The following RIC3 variants were observed in gnomAD, a reference collection of about 807,000 sequenced individuals.
RIC3 encodes protein RIC-3.
Under a neutral mutation model 27.3 loss-of-function variants are expected in RIC3, and 28 were observed. That is an observed-to-expected ratio of 1.02 (90% confidence interval 0.76 to 1.41). The LOEUF (loss-of-function observed/expected upper bound fraction) is 1.41, where lower values mean the gene tolerates loss of function less well. Ranked by LOEUF, RIC3 falls within the 40% of genes most tolerant of loss-of-function variation. The pLI is 0.00. For missense variants in RIC3, 501 were observed against 444.7 expected (o/e 1.13, Z -1.14); for synonymous variants, 184 against 160.4 (o/e 1.15, Z -1.11).
At chr11:8,099,698 A>G in the RIC3 span, among the ~76,000 whole-genome samples, 1 of 152,236 alleles carries the variant, frequency 6.6e-6, no homozygotes, top group Non-Finnish European at 1.5e-5. Flanking sequence ...CACTAAGAAG[A>G]AAAAGTAGGG....
intron 4 of RIC3, among the ~76,000 whole-genome samples, chr11:8,128,722 T>C (rs535867309): frequency 6.6e-6 from 1 of 151,838 alleles, no homozygotes; most frequent in Non-Finnish European, 1.5e-5. Flanking sequence ...TGGATTCCGT[T>C]CTATCATTTT....
At position 8,118,527 on chromosome 11, in the gene RIC3, TAAAAAAAAAAA is replaced by T. The variant is rs11378233; in HGVS notation, c.671-7401_671-7391del. 6.0e-5 allele frequency among the ~76,000 whole-genome samples: 4 copies of T among 66,688 alleles called. No individual in the cohort carries two copies. In the East Asian group the frequency reaches 1.5e-3, roughly 25 times the overall value. 43.7% of individuals were successfully genotyped at this position (66,688 alleles called of 152,430 possible). Reference sequence around the variant, plus strand: ...GCTATTGAATAGAAAGCCATAATTGTAAAAAAAAAAAAAAAAAAAAAAAAAAAATTAATGCT... The same window carrying T: ...GCTATTGAATAGAAAGCCATAATTGTAAAAAAAAAAAAAAAAATTAATGCT... On this transcript the variant is annotated intron_variant, in intron 5 of 5. Transcript: ENST00000309737.
At chr11:8,157,292 T>C (rs1051809939) in intron 1 of RIC3, among the ~76,000 whole-genome samples, 6 of 152,236 alleles carry the variant, frequency 3.9e-5, no homozygotes, top group African/African-American at 1.4e-4. Flanking sequence ...CTTTCTCTAG[T>C]TGGCCCTCCC....
At chr11:8,093,567 C>T in the RIC3 span, among the ~76,000 whole-genome samples, 1 of 152,138 alleles carries the variant, frequency 6.6e-6, no homozygotes, top group Non-Finnish European at 1.5e-5. Flanking sequence ...TTGTTCTGAG[C>T]ACTCCTACAC....
At position 8,110,592 on chromosome 11, in the gene RIC3, A is replaced by G; in HGVS notation, c.*106T>C. The G allele has an allele frequency of 1.0e-6, 1 of 985,216 alleles. No homozygotes were observed. The highest frequency in any genetic ancestry group is 2.2e-4 in the Middle Eastern group (1 of 4,564). 61.0% of individuals were successfully genotyped at this position (985,216 alleles called of 1,614,324 possible). ...ATGATAGTGGCCTGATAGCTATGAC[A>G]CTTGAACACAGTGAAGAAAGTGCAG... On this transcript the variant is annotated 3_prime_UTR_variant, in exon 6 of 6. Transcript: ENST00000309737.
intron 1 of RIC3, among the ~76,000 whole-genome samples, chr11:8,143,883 C>T (rs1284200541): frequency 6.6e-6 from 1 of 152,100 alleles, no homozygotes; most frequent in East Asian, 1.9e-4. Context: ...CGCATATCTA[C>T]AACGATCAGA....
chr11:8,138,072 G>A (rs1007935781), intron 3 of RIC3, among the ~76,000 whole-genome samples, 200 bp downstream of exon 3: 3 of 152,196 alleles, frequency 2.0e-5, no homozygotes, highest in Non-Finnish European at 2.9e-5. Flanking sequence ...ATTAAAAAGT[G>A]AACTGGTGGT....
At chr11:8,168,567 C>A (rs1255375117) in intron 1 of RIC3, among the ~76,000 whole-genome samples, 1 of 152,122 alleles carries the variant, frequency 6.6e-6, no homozygotes, top group Non-Finnish European at 1.5e-5. Context: ...GTTAAGCCAG[C>A]GGGGTAAGAG....
chr11:8,153,272 C>T (rs983050652), intron 1 of RIC3: 13 of 343,826 alleles, frequency 3.8e-5, no homozygotes, highest in Middle Eastern at 4.2e-4. Flanking sequence ...GTGACAGACA[C>T]TATGTCAGGC....
In RIC3 at chr11:8,106,886, T is replaced by G. The variant is rs1201256304; in HGVS notation, c.*3812A>C. On this transcript the variant is annotated 3_prime_UTR_variant, in exon 6 of 6. Transcript: ENST00000309737. Reference sequence around the variant, plus strand: ...CTTAGAGGGTGTCAGGTGTGACATCTCAGCAACACTGGACTTGACAGAGTG... The same window carrying G: ...CTTAGAGGGTGTCAGGTGTGACATCGCAGCAACACTGGACTTGACAGAGTG... 2 of 152,210 alleles carry G rather than the reference T, an allele frequency of 1.3e-5. No individual in the cohort carries two copies. The highest frequency in any genetic ancestry group is 2.9e-5 in the Non-Finnish European group (2 of 68,044). The allele number at this position is 152,210 out of a possible 1,614,324, so 9.4% of individuals were successfully genotyped here. A position where few individuals can be genotyped will look rare whatever the true frequency, so the allele number is the denominator to read the frequency against.
chr11:8,160,173 T>C (rs1014168466), intron 1 of RIC3, among the ~76,000 whole-genome samples: 13 of 152,186 alleles, frequency 8.5e-5, no homozygotes, highest in Admixed American at 3.9e-4. Context: ...TTTTTAGAGA[T>C]GCATACTGAA....
In RIC3 at chr11:8,109,058, CAG is replaced by C. The variant is rs914299570; in HGVS notation, c.*1638_*1639del. The C allele has an allele frequency of 3.3e-5, 5 of 152,236 alleles. No individual in the cohort carries two copies. The highest frequency in any genetic ancestry group is 7.3e-5 in the Non-Finnish European group (5 of 68,046). 9.4% of individuals were successfully genotyped at this position (152,236 alleles called of 1,614,324 possible). A position where few individuals can be genotyped will look rare whatever the true frequency, so the allele number is the denominator to read the frequency against. On this transcript the variant is annotated 3_prime_UTR_variant, in exon 6 of 6. Transcript: ENST00000309737. ...CACAATGTGAATCAAATGTTCTACACAGAGATAGATGCAATATGCTTTCTATA... is the reference window on the plus strand; with the variant it reads ...CACAATGTGAATCAAATGTTCTACACAGATAGATGCAATATGCTTTCTATA...
At chr11:8,140,655 T>G (rs1199479727) in intron 1 of RIC3, among the ~76,000 whole-genome samples, 1 of 152,210 alleles carries the variant, frequency 6.6e-6, no homozygotes, top group African/African-American at 2.4e-5. Flanking sequence ...AATTATGTAG[T>G]GCAGAGCCCT....
chr11:8,141,326 T>C (rs1490728340), intron 1 of RIC3, among the ~76,000 whole-genome samples: 1 of 151,740 alleles, frequency 6.6e-6, no homozygotes, highest in Non-Finnish European at 1.5e-5. Context: ...AATAAAAGGA[T>C]GGAGGAAGAT....
intron 5 of RIC3, among the ~76,000 whole-genome samples, chr11:8,118,870 C>A (rs1166003791): frequency 6.6e-4 from 91 of 136,996 alleles, no homozygotes; most frequent in Admixed American, 6.5e-4. Flanking sequence ...GACTCCATCT[C>A]AAAAAAAAAA....
chr11:8,132,509 T>G (rs1947860421), intron 4 of RIC3, among the ~76,000 whole-genome samples: 3 of 152,206 alleles, frequency 2.0e-5, no homozygotes, highest in African/African-American at 7.2e-5. Flanking sequence ...AGTTAAACAC[T>G]GTGCTTAATA....
chr11:8,100,463 T>A, the RIC3 span: 1 of 1,537,548 alleles, frequency 6.5e-7, no homozygotes, highest in Admixed American at 1.7e-5. Flanking sequence ...AGTAGGTAAA[T>A]AGACGCCTCA....
At chr11:8,118,007 G>C (rs1338274299) in intron 5 of RIC3, among the ~76,000 whole-genome samples, 1 of 151,838 alleles carries the variant, frequency 6.6e-6, no homozygotes, top group African/African-American at 2.4e-5. Context: ...CAGATCACGA[G>C]GTCAGGAGAT....
chr11:8,160,222 G>A (rs565385110), intron 1 of RIC3, among the ~76,000 whole-genome samples: 15 of 152,242 alleles, frequency 9.9e-5, no homozygotes, highest in African/African-American at 3.6e-4. Context: ...TCTAGGATTT[G>A]CTTCAAAATA....
Sources: gnomAD v4.1 joint callset for allele counts (sites outside exome capture counted in the v4.1 genomes callset) on GRCh38, gnomAD v4.1.1 for gene constraint, MANE v1.5 for transcripts, NCBI Gene and HGNC (gene_info 2026-07-23, HGNC 2026-07-21) for gene names.